STON2: variants seen among roughly 807,000 people sequenced by gnomAD.
STON2 encodes stonin 2.
In STON2, 29 loss-of-function variants were observed where a neutral mutation model predicts 65.7. That is an observed-to-expected ratio of 0.44 (90% CI 0.33 to 0.60). The LOEUF (loss-of-function observed/expected upper bound fraction) is 0.60. Ranked by LOEUF, STON2 falls within the 20% of genes least tolerant of loss-of-function variation. The probability of loss-of-function intolerance (pLI) is 0.03; values close to 1 mark genes in which losing one functional copy is unlikely to be tolerated. For missense variants in STON2, 1,054 were observed against 1,118.1 expected (o/e 0.94, Z 0.82); for synonymous variants, 404 against 414.2 (o/e 0.98, Z 0.30).
Position 81,276,960 on chromosome 14 carries a change from T to A in STON2, c.2522A>T (p.Tyr841Phe). Residue 841 changes from tyrosine to phenylalanine, a missense_variant, in exon 6 of 8, where the codon TAC (tyrosine) becomes TTC (phenylalanine). Physicochemically the swap from Tyr to Phe is conservative, Grantham distance 22. Coordinates refer to ENST00000614646, the MANE Select transcript of STON2 (RefSeq NM_001394390.1). Reference sequence around the variant, plus strand: ...CACAATGGAGTTGAAGGCATGCTCGTACTTGGCAGTTCCCAGAGTTACTCT... The same window carrying A: ...CACAATGGAGTTGAAGGCATGCTCGAACTTGGCAGTTCCCAGAGTTACTCT... ...VMRVTLGTAK[Y>F]EHAFNSIVWR... The A allele has an allele frequency of 6.2e-7, 1 of 1,614,212 alleles. No individual in the cohort carries two copies. Among genetic ancestry groups the A allele is most frequent in the South Asian group, 1.1e-5 (1 of 91,082 alleles).
At chr14:81,375,700 T>C (rs1012064814) in intron 3 of STON2, among the ~76,000 whole-genome samples, 3 of 151,908 alleles carry the variant, frequency 2.0e-5, no homozygotes, top group Admixed American at 2.0e-4. Context: ...CTAATGATCA[T>C]AGAACATTAC....
intron 4 of STON2, among the ~76,000 whole-genome samples, chr14:81,367,010 C>T (rs906847277): frequency 1.4e-4 from 22 of 152,244 alleles, no homozygotes; most frequent in East Asian, 7.7e-4. Context: ...CAGGGGGTTT[C>T]GGTTTACCCA....
At chr14:81,413,965 C>A (rs1385479487) in intron 2 of STON2, among the ~76,000 whole-genome samples, 2 of 138,314 alleles carry the variant, frequency 1.4e-5, no homozygotes, top group East Asian at 5.2e-4. Context: ...TGTTTTATTT[C>A]TTTATAAAGA....
chr14:81,318,470 G>A lies in STON2; in HGVS notation c.742+5547C>T, dbSNP rs557894656. 1.1e-4 allele frequency among the ~76,000 whole-genome samples: 16 copies of A among 152,310 alleles called. No individual in the cohort carries two copies. The South Asian group carries it at 3.3e-3, about 32-fold the overall frequency. On this transcript the variant is annotated intron_variant, in intron 5 of 7. Coordinates refer to ENST00000614646, the MANE Select transcript of STON2 (RefSeq NM_001394390.1). ...CCTCTTCATACACCCTTCTCCCACT[G>A]GGGAAGAGTATTTTAATGGCTCTAT... is the stretch of plus-strand genomic sequence containing the variant.
chr14:81,391,959 C>G (rs1900099159), intron 3 of STON2, among the ~76,000 whole-genome samples: 1 of 152,156 alleles, frequency 6.6e-6, no homozygotes, highest in Non-Finnish European at 1.5e-5. Context: ...ACTGTCATTT[C>G]TTGATTTATT....
intron 3 of STON2, among the ~76,000 whole-genome samples, chr14:81,385,260 T>C (rs372718723): frequency 3.3e-5 from 5 of 152,234 alleles, no homozygotes; most frequent in East Asian, 3.8e-4. Flanking sequence ...TTTAATAAAA[T>C]ATTCTGTTTC....
chr14:81,323,749 G>GTT (rs760284318), intron 5 of STON2: 10 of 151,848 alleles, frequency 6.6e-5, no homozygotes, highest in Non-Finnish European at 1.0e-4. Flanking sequence ...GTTTTGTTTT[G>GTT]TTTTTCTACA....
intron 4 of STON2, among the ~76,000 whole-genome samples, chr14:81,353,515 G>T (rs985213992): frequency 6.6e-6 from 1 of 152,180 alleles, no homozygotes; most frequent in Non-Finnish European, 1.5e-5. Context: ...ATGGTCCACA[G>T]GATGAAATGA....
At chr14:81,400,365 T>C (rs759629003), upstream of STON2, among the ~76,000 whole-genome samples, 16 of 151,838 alleles carry the variant, frequency 1.1e-4, no homozygotes, top group Non-Finnish European at 1.6e-4. Flanking sequence ...CTGTCAAATG[T>C]GTGTCACTCA....
At chr14:81,368,867 A>C (rs1386221370) in intron 4 of STON2, among the ~76,000 whole-genome samples, 2 of 152,154 alleles carry the variant, frequency 1.3e-5, no homozygotes, top group Non-Finnish European at 2.9e-5. Context: ...ACTCTGGCGT[A>C]GGGGCCAGTT....
At chr14:81,424,022 A>C (rs890068528) in intron 2 of STON2, among the ~76,000 whole-genome samples, 1 of 152,210 alleles carries the variant, frequency 6.6e-6, no homozygotes, top group Admixed American at 6.5e-5. Flanking sequence ...AAATGTGGAG[A>C]GCAGGTATGT....
At chr14:81,425,942 G>A (rs533220432) in intron 2 of STON2, among the ~76,000 whole-genome samples, 120 of 152,140 alleles carry the variant, frequency 7.9e-4, no homozygotes, top group African/African-American at 2.7e-3. Flanking sequence ...ATTAAAATTC[G>A]GATTTCAGCT....
intron 5 of STON2, among the ~76,000 whole-genome samples, chr14:81,310,769 T>A (rs1896393297): frequency 6.6e-6 from 1 of 152,172 alleles, no homozygotes; most frequent in South Asian, 2.1e-4. Context: ...CCTCTCCCCA[T>A]GCCCTCTTTC....
rs534002344 is a variant in STON2, at chr14:81,425,543, G to A, written c.-199+1559C>T. On this transcript the variant is annotated intron_variant, in intron 2 of 8. Coordinates refer to the STON2 transcript ENST00000553821. ...GCCAAGATCATGCCACTGTACTCCA[G>A]CCTGGACGACAGAGTGAACTCTGCC... is the stretch of plus-strand genomic sequence containing the variant. Among the ~76,000 whole-genome samples, 3 of 152,080 alleles carry A rather than the reference G, an allele frequency of 2.0e-5. No homozygotes were observed. In the South Asian group the frequency reaches 6.2e-4, roughly 32 times the overall value.
intron 5 of STON2, among the ~76,000 whole-genome samples, chr14:81,321,921 A>C (rs1896834699): frequency 6.6e-6 from 1 of 152,174 alleles, no homozygotes; most frequent in South Asian, 2.1e-4. Context: ...GATTTGGTCA[A>C]ATGAAAGTTG....
intron 6 of STON2, among the ~76,000 whole-genome samples, chr14:81,274,282 G>C (rs866148366): frequency 6.6e-6 from 1 of 152,196 alleles, no homozygotes; most frequent in African/African-American, 2.4e-5. Context: ...GGGCAAGGCT[G>C]TGAGGATTTA....
intron 2 of STON2, among the ~76,000 whole-genome samples, chr14:81,407,354 A>C (rs1299760982): frequency 6.6e-6 from 1 of 152,212 alleles, no homozygotes; most frequent in Non-Finnish European, 1.5e-5. Flanking sequence ...GAATAAAAGG[A>C]AGGTTTCACT....
At chr14:81,395,012 T>A (rs1035686082) in intron 3 of STON2, 1 of 152,188 alleles carries the variant, frequency 6.6e-6, no homozygotes, top group African/African-American at 2.4e-5. Context: ...AATAAAGAAG[T>A]AGCCAGGTCA....
At chr14:81,291,858 TACACAC>T (rs59366676) in intron 5 of STON2, among the ~76,000 whole-genome samples, 11,349 of 137,718 alleles carry the variant, frequency 0.082, 531 homozygotes, top group East Asian at 0.14. Flanking sequence ...TTAGCATGGG[TACACAC>T]ACACACACAC....
Sources: gnomAD v4.1 joint callset for allele counts (sites outside exome capture counted in the v4.1 genomes callset) on GRCh38, gnomAD v4.1.1 for gene constraint, MANE v1.5 for transcripts, NCBI Gene and HGNC (gene_info 2026-07-23, HGNC 2026-07-21) for gene names.